DPF3: variants seen among roughly 807,000 people sequenced by gnomAD.
DPF3 encodes zinc finger protein DPF3.
In DPF3, 18 loss-of-function variants were observed where a neutral mutation model predicts 56.8. That is an observed-to-expected ratio of 0.32 (90% CI 0.22 to 0.47). The LOEUF is 0.47. Ranked by LOEUF, DPF3 falls within the 20% of genes least tolerant of loss-of-function variation. The probability of loss-of-function intolerance (pLI) is 1.00; values close to 1 mark genes in which losing one functional copy is unlikely to be tolerated. For synonymous variants in DPF3, 188 were observed against 180.2 expected (o/e 1.04, Z -0.35); for missense variants, 403 against 488.8 (o/e 0.82, Z 1.65).
At chr14:72,654,226 G>A (rs779083539) in intron 8 of DPF3, among the ~76,000 whole-genome samples, 3 of 151,718 alleles carry the variant, frequency 2.0e-5, no homozygotes, top group Non-Finnish European at 4.4e-5. Flanking sequence ...CTCCATTCAC[G>A]CTCATCTCTG....
intron 2 of DPF3, 42 bp from the exon 3 acceptor site, chr14:72,753,413 G>T: frequency 6.6e-7 from 1 of 1,517,468 alleles, no homozygotes; most frequent in South Asian, 1.2e-5. Context: ...CTCCAGGCTG[G>T]AAGGGGCCTT....
intron 1 of DPF3, among the ~76,000 whole-genome samples, chr14:72,858,308 C>A (rs1350044535): frequency 7.6e-4 from 91 of 119,800 alleles, no homozygotes; most frequent in Non-Finnish European, 6.5e-4. Context: ...GACTCTATCT[C>A]AAAAAAAAAA....
At chr14:72,697,055 TCAGTTATTAG>T (rs59956139) in intron 6 of DPF3, among the ~76,000 whole-genome samples, 85,713 of 151,432 alleles carry the variant, frequency 0.57, 24,650 homozygotes, top group African/African-American at 0.63. Flanking sequence ...AGACCTTTGT[TCAGTTATTAG>T]CAGTTATTAG....
In DPF3 at chr14:72,617,266, C is replaced by T. The variant is rs570533472; in HGVS notation, c.*2031G>A. Among the ~76,000 whole-genome samples the T allele has an allele frequency of 3.1e-4, 47 of 152,348 alleles. No individual in the cohort carries two copies. The highest frequency in any genetic ancestry group is 1.1e-3 in the African/African-American group (44 of 41,576). On this transcript the variant is annotated 3_prime_UTR_variant, in exon 11 of 11. Transcript: ENST00000556509. ...TTTAAACTTTTAAGCTATTGTGGCA[C>T]TTGGGAACATTTGGGGAACTTTTTT...
intron 1 of DPF3, among the ~76,000 whole-genome samples, chr14:72,851,866 G>A (rs1010266432): frequency 4.6e-5 from 7 of 152,242 alleles, no homozygotes; most frequent in African/African-American, 1.7e-4. Flanking sequence ...AGCTCGCCCA[G>A]CCTCCCGATT....
At chr14:72,893,579 A>C (rs1451604833) in intron 1 of DPF3, among the ~76,000 whole-genome samples, 1 of 151,928 alleles carries the variant, frequency 6.6e-6, no homozygotes, top group East Asian at 1.9e-4. Context: ...CGCTGGACCC[A>C]GCGGACCCAG....
chr14:72,685,866 C>A (rs552959924), intron 7 of DPF3, among the ~76,000 whole-genome samples: 8 of 152,224 alleles, frequency 5.3e-5, no homozygotes, highest in African/African-American at 1.9e-4. Flanking sequence ...AGCCAAGAGA[C>A]ACGTGGAGCC....
intron 2 of DPF3, 77 bp downstream of exon 2, chr14:72,771,656 C>T (rs565405733): frequency 1.4e-5 from 21 of 1,519,756 alleles, no homozygotes; most frequent in Non-Finnish European, 1.9e-5. Context: ...TGCCTGGTTT[C>T]CCAGACAAGC....
At chr14:72,731,295 G>A (rs979282551) in intron 4 of DPF3, 4 of 158,090 alleles carry the variant, frequency 2.5e-5, no homozygotes, top group African/African-American at 4.8e-5. Context: ...GCAGCCATCC[G>A]CCTGAAGGGT....
chr14:72,889,436 G>A (rs112224383), intron 1 of DPF3, among the ~76,000 whole-genome samples: 6 of 152,288 alleles, frequency 3.9e-5, no homozygotes, highest in African/African-American at 9.6e-5. Context: ...GGCTTACAAC[G>A]TCCGAGGGTC....
At chr14:72,622,129 C>A (rs1236025364) in intron 9 of DPF3, among the ~76,000 whole-genome samples, 1 of 152,172 alleles carries the variant, frequency 6.6e-6, no homozygotes, top group Non-Finnish European at 1.5e-5. Flanking sequence ...TGAAATGATA[C>A]ACACAATTTT....
intron 1 of DPF3, among the ~76,000 whole-genome samples, chr14:72,884,305 CTTG>C: frequency 6.6e-6 from 1 of 152,164 alleles, no homozygotes; most frequent in African/African-American, 2.4e-5. Flanking sequence ...ATGAGTAGAC[CTTG>C]CATTTCCTGA....
At chr14:72,633,191 G>A (rs999617065) in intron 8 of DPF3, among the ~76,000 whole-genome samples, 5 of 152,164 alleles carry the variant, frequency 3.3e-5, no homozygotes, top group Admixed American at 2.0e-4. Flanking sequence ...AAGGATTGCA[G>A]GGACCACATA....
intron 1 of DPF3, among the ~76,000 whole-genome samples, chr14:72,784,935 C>G (rs1202656302): frequency 6.7e-6 from 1 of 149,794 alleles, no homozygotes; most frequent in East Asian, 2.0e-4. Context: ...CCAGCCTGGG[C>G]AACAAGAGCA....
intron 8 of DPF3, among the ~76,000 whole-genome samples, chr14:72,651,955 C>A (rs1288005239): frequency 6.6e-6 from 1 of 152,214 alleles, no homozygotes; most frequent in Non-Finnish European, 1.5e-5. Context: ...CAACAGGACT[C>A]ACAGCCAGGA....
chr14:72,724,542 C>T (rs985457136), intron 4 of DPF3, among the ~76,000 whole-genome samples: 1 of 151,884 alleles, frequency 6.6e-6, no homozygotes, highest in Non-Finnish European at 1.5e-5. Flanking sequence ...GGCCTAAGCA[C>T]GTCACTCCCT....
At chr14:72,633,372 A>T (rs544538700) in intron 8 of DPF3, among the ~76,000 whole-genome samples, 126 of 152,294 alleles carry the variant, frequency 8.3e-4, no homozygotes, top group Non-Finnish European at 1.5e-3. Context: ...ATGAGGAAGT[A>T]TCTAGGGAAA....
rs538747350 is a variant in DPF3, at chr14:72,678,685, T to C, written c.743-4317A>G. ...AGATTTTGCTTCTGCTTATGGGAAATTGAGTCCCGCTTTATAGAATAAGAT... is the reference window on the plus strand; with the variant it reads ...AGATTTTGCTTCTGCTTATGGGAAACTGAGTCCCGCTTTATAGAATAAGAT... On this transcript the variant is annotated intron_variant, in intron 7 of 10. Transcript: ENST00000556509. 2.0e-5 allele frequency among the ~76,000 whole-genome samples: 3 copies of C among 152,324 alleles called. No homozygotes were observed. The South Asian group carries it at 6.2e-4, about 32-fold the overall frequency.
At chr14:72,718,065 C>T (rs1267194460) in intron 5 of DPF3, among the ~76,000 whole-genome samples, 1 of 152,184 alleles carries the variant, frequency 6.6e-6, no homozygotes, top group Non-Finnish European at 1.5e-5. Context: ...GCCACTTGAA[C>T]TGAGGGCCCA....
Sources: allele counts gnomAD v4.1 joint callset (sites outside exome capture counted in the v4.1 genomes callset), GRCh38; gene constraint gnomAD v4.1.1; transcripts MANE v1.5; gene names NCBI Gene and HGNC (gene_info 2026-07-23, HGNC 2026-07-21).